TMEM35B: variants seen among roughly 807,000 people sequenced by gnomAD.
TMEM35B encodes the protein ZMYM6 neighbor protein.
In TMEM35B, 6 loss-of-function variants were observed where a neutral mutation model predicts 8.7. That is an observed-to-expected ratio of 0.69 (90% CI 0.38 to 1.36). The LOEUF (loss-of-function observed/expected upper bound fraction) is 1.36, where lower values mean the gene tolerates loss of function less well. TMEM35B is among the 40% of genes most tolerant of loss of function. The pLI is 0.02. For missense variants in TMEM35B, 176 were observed against 181.6 expected, an observed-to-expected ratio of 0.97 and a Z score of 0.18; for synonymous variants, 89 against 87.0, an observed-to-expected ratio of 1.02 and a Z score of -0.13.
chr1:34,985,227 C>A lies in TMEM35B; in HGVS notation c.79G>T (p.Glu27Ter). 6.5e-7 allele frequency: 1 copy of A among 1,544,852 alleles called. No homozygotes were observed. The highest frequency in any genetic ancestry group is 8.7e-7 in the Non-Finnish European group (1 of 1,144,960). Residue 27 changes from glutamate to a stop codon, truncating the protein, a stop_gained, in exon 1 of 3, where the codon GAG (glutamate) becomes TAG (stop). Coordinates refer to ENST00000373337, the Ensembl canonical transcript of TMEM35B. LOFTEE classifies it high-confidence loss of function. ...CGCTCCGAAACTGGAGCCGAGATCT[C>A]CTCCGAGAGCTTGGCCAACCCCACG...
intron 2 of TMEM35B, among the ~76,000 whole-genome samples, chr1:34,982,665 C>T (rs1163840209): frequency 6.6e-6 from 1 of 151,928 alleles, no homozygotes; most frequent in Non-Finnish European, 1.5e-5. Context: ...TTAGTAGAGA[C>T]GGGGTTTCAT....
At chr1:34,983,926 C>G in exon 2 of TMEM35B, 2 of 1,521,260 alleles carry the variant, frequency 1.3e-6, no homozygotes, top group Non-Finnish European at 1.8e-6. Context: ...AACACCTCAG[C>G]AAACTGCACG....
chr1:34,983,870 T>C (rs769534297), exon 2 of TMEM35B: 21 of 1,544,812 alleles, frequency 1.4e-5, no homozygotes, highest in South Asian at 9.7e-5. Context: ...CCACAGCTAT[T>C]TGGTAGTTCA....
At chr1:34,985,145 G>C (rs1553129047) in intron 1 of TMEM35B, 53 bp downstream of exon 1, 1 of 1,413,280 alleles carries the variant, frequency 7.1e-7, no homozygotes, top group Non-Finnish European at 9.5e-7. Context: ...GCGGCAGGGC[G>C]GAGCACACGC....
chr1:34,982,885 G>C (rs1640522193), intron 2 of TMEM35B, among the ~76,000 whole-genome samples: 1 of 152,234 alleles, frequency 6.6e-6, no homozygotes, highest in Non-Finnish European at 1.5e-5. Context: ...AGAAGCTCCA[G>C]AGATGGAAGC....
intron 1 of TMEM35B, among the ~76,000 whole-genome samples, chr1:34,984,433 T>C (rs1569726223): frequency 6.6e-6 from 1 of 152,200 alleles, no homozygotes; most frequent in African/African-American, 2.4e-5. Flanking sequence ...TCGGGGATAC[T>C]TTTTCCTGTT....
exon 1 of TMEM35B, chr1:34,985,336 C>T (rs1385878000): frequency 6.7e-7 from 1 of 1,502,888 alleles, no homozygotes; most frequent in Non-Finnish European, 8.9e-7. Flanking sequence ...GGGTTGGCCC[C>T]GCCGAAAACC....
intron 1 of TMEM35B, among the ~76,000 whole-genome samples, chr1:34,984,306 C>T (rs1021210783): frequency 1.3e-5 from 2 of 152,206 alleles, no homozygotes. Flanking sequence ...CCTGGTTTCT[C>T]TTAAGGCTGC....
chr1:34,981,995 G>C lies in TMEM35B; in HGVS notation c.414C>G (p.Val138=), dbSNP rs1323897236. 1.9e-6 allele frequency: 3 copies of C among 1,550,426 alleles called. No homozygotes were observed. The South Asian group carries it at 3.6e-5, about 18-fold the overall frequency. ...TTAGAGTCTTCTTCCTAGTGGGTCT[G>C]ACCACCTTCTTAGTCTGGGCTAAGA... The change falls in exon 3 of 3, where the codon GTC becomes GTG. Residue 138 remains valine, a synonymous_variant. Transcript: ENST00000373337.
chr1:34,982,091 T>C (rs1311806992), exon 3 of TMEM35B: 1 of 1,547,782 alleles, frequency 6.5e-7, no homozygotes, highest in Admixed American at 2.0e-5. Flanking sequence ...TTAGTGACTC[T>C]TTCAGAGCTG....
At chr1:34,983,578 C>CA (rs1163962621) in intron 2 of TMEM35B, among the ~76,000 whole-genome samples, 189 bp downstream of exon 2, 2,596 of 23,010 alleles carry the variant, frequency 0.11, 330 homozygotes, top group Admixed American at 0.13. Flanking sequence ...GACTCCATCT[C>CA]AAAAAAAAAA....
At chr1:34,983,660 G>C in intron 2 of TMEM35B, 107 bp downstream of exon 2, 11 of 852,642 alleles carry the variant, frequency 1.3e-5, no homozygotes, top group Non-Finnish European at 1.8e-5. Context: ...AAGTGCTCTT[G>C]ATCCCAGAGA....
chr1:34,982,184 C>T, intron 2 of TMEM35B, 65 bp from the exon 3 acceptor site: 1 of 1,452,018 alleles, frequency 6.9e-7, no homozygotes, highest in Non-Finnish European at 9.2e-7. Flanking sequence ...GAGCTCAGGG[C>T]TCTCTAGTTT....
At chr1:34,983,866 C>A (rs1210229630) in exon 2 of TMEM35B, 1 of 1,545,044 alleles carries the variant, frequency 6.5e-7, no homozygotes, top group African/African-American at 1.4e-5. Context: ...AAGCCCACAG[C>A]TATTTGGTAG....
At chr1:34,982,019 G>C (rs1640511725) in exon 3 of TMEM35B, 1 of 1,550,492 alleles carries the variant, frequency 6.4e-7, no homozygotes, top group East Asian at 2.4e-5. Flanking sequence ...TCTGGGCTAA[G>C]AGCTGGCCGA....
chr1:34,983,936 G>C (rs1006876675), exon 2 of TMEM35B: 3 of 1,508,118 alleles, frequency 2.0e-6, no homozygotes, highest in Admixed American at 2.1e-5. Context: ...CAAACTGCAC[G>C]AACAGGGCAT....
At chr1:34,983,590 A>G (rs1416611205) in intron 2 of TMEM35B, among the ~76,000 whole-genome samples, 177 bp downstream of exon 2, 1 of 150,736 alleles carries the variant, frequency 6.6e-6, no homozygotes, top group Non-Finnish European at 1.5e-5. Flanking sequence ...AAAAAAAAAA[A>G]AAAAAAAAAA....
chr1:34,982,887 G>C (rs1306031902), intron 2 of TMEM35B, among the ~76,000 whole-genome samples: 1 of 152,234 alleles, frequency 6.6e-6, no homozygotes, highest in East Asian at 1.9e-4. Context: ...AAGCTCCAGA[G>C]ATGGAAGCAA....
exon 3 of TMEM35B, chr1:34,981,673 T>C (rs1640508323): frequency 5.1e-6 from 1 of 194,594 alleles, no homozygotes; most frequent in African/African-American, 2.3e-5. Flanking sequence ...GCATTAAAAG[T>C]GGTTATTTGG....
Sources: allele counts gnomAD v4.1 joint callset (sites outside exome capture counted in the v4.1 genomes callset), GRCh38; gene constraint gnomAD v4.1.1; transcripts MANE v1.5; gene names NCBI Gene and HGNC (gene_info 2026-07-23, HGNC 2026-07-21).